ADIPOR1: variants seen among roughly 807,000 people sequenced by gnomAD.
ADIPOR1 encodes the protein adiponectin receptor protein 1.
In ADIPOR1, 15 loss-of-function variants were observed where a neutral mutation model predicts 37.5. The ratio of observed to expected loss-of-function variants is 0.40; its 90% CI spans 0.27 to 0.62. The LOEUF is 0.62. Among genes scored for constraint, ADIPOR1 ranks in the 20% least tolerant of loss-of-function variants. The pLI is 0.42. For missense variants in ADIPOR1, 286 were observed against 478.0 expected (o/e 0.60, Z 3.75); for synonymous variants, 173 against 173.2 (o/e 1.00, Z 0.01).
intron 2 of ADIPOR1, among the ~76,000 whole-genome samples, chr1:202,949,288 C>T (rs565943653): frequency 7.3e-5 from 11 of 151,702 alleles, no homozygotes; most frequent in Admixed American, 2.0e-4. Context: ...CCTAAAAAAG[C>T]GCACCCAGAG....
chr1:202,951,053 T>A lies in ADIPOR1; in HGVS notation c.18A>T (p.Gly6=). The stretch of plus-strand genomic sequence containing the variant: ...CCCCATTCCCCTGTGCCACCACAGA[T>A]CCTTTGTGGGAAGACATCTGGCTGG... MSSHK[G]SVVAQGNGAP... is the part of the protein sequence containing the mutation. The change falls in exon 2 of 8, where the codon GGA becomes GGT. Residue 6 remains glycine, a synonymous_variant. Transcript: ENST00000340990. 6.2e-7 allele frequency: 1 copy of A among 1,614,074 alleles called. No individual in the cohort carries two copies. Among genetic ancestry groups the A allele is most frequent in the Non-Finnish European group, 8.5e-7 (1 of 1,180,008 alleles).
chr1:202,948,852 T>C (rs2102488590), intron 2 of ADIPOR1, among the ~76,000 whole-genome samples: 1 of 151,656 alleles, frequency 6.6e-6, no homozygotes. Flanking sequence ...AGTACAGTGG[T>C]GCGATCTCTG....
At chr1:202,950,669 T>C (rs1654538212) in intron 2 of ADIPOR1, among the ~76,000 whole-genome samples, 1 of 152,208 alleles carries the variant, frequency 6.6e-6, no homozygotes, top group Non-Finnish European at 1.5e-5. Context: ...CCTTCATTCA[T>C]TCAGATATTT....
At chr1:202,942,463 T>C (rs1389136085) in intron 6 of ADIPOR1, among the ~76,000 whole-genome samples, 1 of 152,218 alleles carries the variant, frequency 6.6e-6, no homozygotes, top group Non-Finnish European at 1.5e-5. Flanking sequence ...TCTCATATTC[T>C]TCATTATCTG....
At chr1:202,945,996 C>CA (rs946547097) in intron 4 of ADIPOR1, among the ~76,000 whole-genome samples, 14 of 138,504 alleles carry the variant, frequency 1.0e-4, no homozygotes, top group Non-Finnish European at 1.7e-4. Flanking sequence ...AACCCCCCCC[C>CA]ACCCCTTTGT....
chr1:202,946,060 G>A (rs888651491), intron 4 of ADIPOR1, among the ~76,000 whole-genome samples: 1 of 145,752 alleles, frequency 6.9e-6, no homozygotes, highest in Non-Finnish European at 1.5e-5. Context: ...AGGTTTAGCT[G>A]TGTAATTGCA....
intron 1 of ADIPOR1, among the ~76,000 whole-genome samples, chr1:202,954,494 G>A (rs1356434225): frequency 6.6e-6 from 1 of 152,202 alleles, no homozygotes; most frequent in East Asian, 1.9e-4. Context: ...GTGTTAGAAC[G>A]ATCCTAGGTG....
In ADIPOR1 at chr1:202,941,432, G is replaced by T; in HGVS notation, c.*141C>A. 9.5e-7 allele frequency: 1 copy of T among 1,049,006 alleles called. No individual in the cohort carries two copies. The highest frequency in any genetic ancestry group is 1.3e-6 in the Non-Finnish European group (1 of 754,234). 65.0% of individuals were successfully genotyped at this position (1,049,006 alleles called of 1,614,324 possible). ...TTATTGCCCAGTGGGTGTGAAAGTG[G>T]GCTGAAGCTTGGTTGGTACTGAATT... is the stretch of plus-strand genomic sequence containing the variant. On this transcript the variant is annotated 3_prime_UTR_variant, in exon 8 of 8. Transcript: ENST00000340990.
chr1:202,946,008 A>C (rs1654299375), intron 4 of ADIPOR1, among the ~76,000 whole-genome samples: 1 of 140,898 alleles, frequency 7.1e-6, no homozygotes, highest in African/African-American at 2.7e-5. Context: ...CCCCTTTGTA[A>C]CCCAAGAGCT....
chr1:202,950,610 G>T (rs987764874), intron 2 of ADIPOR1, among the ~76,000 whole-genome samples: 4 of 152,014 alleles, frequency 2.6e-5, no homozygotes, highest in Non-Finnish European at 5.9e-5. Context: ...AAAACTGTAA[G>T]GATTTTTGTG....
At chr1:202,947,735 C>T (rs1421953466) in intron 3 of ADIPOR1, among the ~76,000 whole-genome samples, 1 of 152,106 alleles carries the variant, frequency 6.6e-6, no homozygotes, top group Non-Finnish European at 1.5e-5. Flanking sequence ...GGTTCTTAAT[C>T]TAGGATCCAT....
chr1:202,953,114 T>C (rs1260162480), intron 1 of ADIPOR1, among the ~76,000 whole-genome samples: 4 of 152,086 alleles, frequency 2.6e-5, no homozygotes, highest in African/African-American at 9.7e-5. Context: ...ACCTCGAGGA[T>C]GGGCAACCCG....
chr1:202,957,829 A>AG (rs1654842577), intron 1 of ADIPOR1, among the ~76,000 whole-genome samples: 1 of 152,194 alleles, frequency 6.6e-6, no homozygotes, highest in African/African-American at 2.4e-5. Flanking sequence ...CCTCGGGGCC[A>AG]GGCTTAACTC....
chr1:202,941,669 C>A lies in ADIPOR1; in HGVS notation c.1032G>T (p.Val344=), dbSNP rs2102479636. ...AGAAGTGGACAAAGGCTGCTGCCACCACCAGGACATGGAAAATCTGATGAG... is the reference window on the plus strand; with the variant it reads ...AGAAGTGGACAAAGGCTGCTGCCACAACCAGGACATGGAAAATCTGATGAG... ...FQSHQIFHVL[V]VAAAFVHFYG... is the part of the protein sequence containing the mutation. Residue 344 remains valine (V), a synonymous_variant, in exon 8 of 8, where the codon GTG becomes GTT. Coordinates refer to ENST00000340990, the MANE Select transcript of ADIPOR1 (RefSeq NM_015999.6). The A allele has an allele frequency of 1.2e-6, 2 of 1,614,068 alleles. No individual in the cohort carries two copies. Among genetic ancestry groups the A allele is most frequent in the Non-Finnish European group, 8.5e-7 (1 of 1,179,990 alleles).
At chr1:202,943,649 G>A in intron 6 of ADIPOR1, 109 bp downstream of exon 6, 1 of 1,222,540 alleles carries the variant, frequency 8.2e-7, no homozygotes, top group Non-Finnish European at 1.1e-6. Flanking sequence ...ACACAAATCA[G>A]GGTTTGGGTG....
rs1481174725 is a variant in ADIPOR1, at chr1:202,958,312, T to G, written c.-222A>C. Reference sequence around the variant, plus strand: ...CCCGCGCCGGAAGGGGCGCGCGACCTCCCGCGTCACCTCCGCAGCCGCGTC... The same window carrying G: ...CCCGCGCCGGAAGGGGCGCGCGACCGCCCGCGTCACCTCCGCAGCCGCGTC... On this transcript the variant is annotated 5_prime_UTR_variant, in exon 1 of 8. Coordinates refer to ENST00000340990, the MANE Select transcript of ADIPOR1 (RefSeq NM_015999.6). 6.6e-6 allele frequency: 1 copy of G among 152,146 alleles called. No individual in the cohort carries two copies. Among genetic ancestry groups the G allele is most frequent in the Non-Finnish European group, 1.5e-5 (1 of 68,084 alleles). 9.4% of individuals were successfully genotyped at this position (152,146 alleles called of 1,614,324 possible).
chr1:202,945,783 G>T (rs1259672834), intron 4 of ADIPOR1, among the ~76,000 whole-genome samples: 1 of 152,124 alleles, frequency 6.6e-6, no homozygotes, highest in African/African-American at 2.4e-5. Flanking sequence ...TACTGTATAT[G>T]TTCTCACTTA....
At position 202,951,132 on chromosome 1, in the gene ADIPOR1, CA is replaced by C; in HGVS notation, c.-63del. Reference sequence around the variant, plus strand: ...GGGAAAGGTTGGGGTCTCTCAGCCCCAGGGGGCAGAGATCTCCCTCTGATGG... The same window carrying C: ...GGGAAAGGTTGGGGTCTCTCAGCCCCGGGGGCAGAGATCTCCCTCTGATGG... On this transcript the variant is annotated 5_prime_UTR_variant, in exon 2 of 8. Coordinates refer to ENST00000340990, the MANE Select transcript of ADIPOR1 (RefSeq NM_015999.6). 6.2e-7 allele frequency: 1 copy of C among 1,603,412 alleles called. No homozygotes were observed. The highest frequency in any genetic ancestry group is 8.5e-7 in the Non-Finnish European group (1 of 1,172,542).
chr1:202,957,909 A>G (rs991355672), intron 1 of ADIPOR1, among the ~76,000 whole-genome samples: 1 of 152,194 alleles, frequency 6.6e-6, no homozygotes, highest in African/African-American at 2.4e-5. Context: ...CAGCACTCAC[A>G]GGACTGCCGG....
Sources: allele counts gnomAD v4.1 joint callset (sites outside exome capture counted in the v4.1 genomes callset), GRCh38; gene constraint gnomAD v4.1.1; transcripts MANE v1.5; gene names NCBI Gene and HGNC (gene_info 2026-07-23, HGNC 2026-07-21).